The following TMEM131 variants were observed in gnomAD, a reference collection of about 807,000 sequenced individuals.
TMEM131 encodes the protein transmembrane protein 131.
A neutral mutation model predicts 211.6 loss-of-function variants in TMEM131; 66 were observed. The observed-to-expected ratio is 0.31, with a 90% CI of 0.26 to 0.38. The LOEUF (loss-of-function observed/expected upper bound fraction) is 0.38. TMEM131 is among the 10% of genes least tolerant of loss of function. The pLI is 1.00. For missense variants in TMEM131, 2,036 were observed against 2,299.3 expected, an observed-to-expected ratio of 0.89 and a Z score of 2.34; for synonymous variants, 844 against 841.3, an observed-to-expected ratio of 1.00 and a Z score of -0.06.
intron 1 of TMEM131, among the ~76,000 whole-genome samples, chr2:97,961,429 A>C (rs1420837103): frequency 6.6e-6 from 1 of 152,228 alleles, no homozygotes; most frequent in Non-Finnish European, 1.5e-5. Context: ...AAAGATCTAA[A>C]TAAAGAGATG....
intron 2 of TMEM131, among the ~76,000 whole-genome samples, chr2:97,921,893 G>T (rs572650285): frequency 8.5e-5 from 13 of 152,270 alleles, no homozygotes; most frequent in African/African-American, 3.1e-4. Flanking sequence ...AGGGAAGGAA[G>T]AAAACACTTT....
intron 6 of TMEM131, 24 bp downstream of exon 6, chr2:97,844,121 A>C: frequency 1.4e-6 from 1 of 724,544 alleles, no homozygotes; most frequent in Non-Finnish European, 2.0e-6. Context: ...ATTGTATAAA[A>C]TAAGTTTTAA....
intron 3 of TMEM131, among the ~76,000 whole-genome samples, chr2:97,896,372 T>C (rs1320198217): frequency 1.3e-5 from 2 of 152,176 alleles, no homozygotes; most frequent in Non-Finnish European, 2.9e-5. Flanking sequence ...AGATGTCTAT[T>C]AGGTTTGCTT....
At chr2:97,918,001 CAGT>C (rs1376681117) in intron 2 of TMEM131, among the ~76,000 whole-genome samples, 1 of 151,294 alleles carries the variant, frequency 6.6e-6, no homozygotes, top group African/African-American at 2.4e-5. Context: ...GGCTGGAGTG[CAGT>C]GGCACGATCT....
In TMEM131 at chr2:97,762,029, G is replaced by A. The variant is rs750459515; in HGVS notation, c.4889+6C>T. The A allele has an allele frequency of 1.9e-6, 3 of 1,554,282 alleles. No individual in the cohort carries two copies. The highest frequency in any genetic ancestry group is 2.8e-5 in the African/African-American group (2 of 72,126). ...CTGAGAACCGGAAAGGAAGCAGCAG[G>A]CCTACCTGCTGGAGCTGCTGTTGAC... On this transcript the variant is annotated splice_donor_region_variant and intron_variant, in intron 36 of 40. Transcript: ENST00000186436.
chr2:97,782,730 A>C (rs1288276434), intron 31 of TMEM131, among the ~76,000 whole-genome samples: 1 of 152,232 alleles, frequency 6.6e-6, no homozygotes, highest in East Asian at 1.9e-4. Context: ...TCAATAGCAG[A>C]ACAGAGGAGA....
At chr2:97,986,455 A>C (rs1680031537) in intron 1 of TMEM131, among the ~76,000 whole-genome samples, 1 of 152,180 alleles carries the variant, frequency 6.6e-6, no homozygotes, top group Non-Finnish European at 1.5e-5. Context: ...TGCATTTTAT[A>C]ATCTGTTTTA....
Position 97,896,596 on chromosome 2 carries a change from T to C in TMEM131, c.291-8476A>G, listed in dbSNP as rs550431703. Among the ~76,000 whole-genome samples, 5 of 152,270 alleles carry C rather than the reference T, an allele frequency of 3.3e-5. No individual in the cohort carries two copies. The South Asian group carries it at 1.0e-3, about 32-fold the overall frequency. On this transcript the variant is annotated intron_variant, in intron 3 of 40. Coordinates refer to ENST00000186436, the MANE Select transcript of TMEM131 (RefSeq NM_015348.2). ...TAGTTAGCTCTTCTTGTTGCATTGA[T>C]CCCTTTACCATTATGTAATGCCCTT... is the stretch of plus-strand genomic sequence containing the variant.
chr2:97,911,266 A>G (rs1313216201), intron 2 of TMEM131, among the ~76,000 whole-genome samples: 2 of 152,236 alleles, frequency 1.3e-5, no homozygotes, highest in African/African-American at 4.8e-5. Flanking sequence ...AGTGACAGAA[A>G]GCAGACTGGT....
At chr2:97,935,891 T>C (rs1677421901) in intron 1 of TMEM131, among the ~76,000 whole-genome samples, 2 of 152,224 alleles carry the variant, frequency 1.3e-5, no homozygotes, top group South Asian at 2.1e-4. Context: ...CATTTAACTT[T>C]TCTATTCTCA....
At chr2:97,937,769 T>C (rs1288897003) in intron 1 of TMEM131, among the ~76,000 whole-genome samples, 2 of 152,146 alleles carry the variant, frequency 1.3e-5, no homozygotes, top group African/African-American at 4.8e-5. Context: ...GAGAATTCAA[T>C]ATCCCACTTT....
In TMEM131 at chr2:97,995,877, G is replaced by GC. The variant is rs1680493292; in HGVS notation, c.-216dup. On this transcript the variant is annotated 5_prime_UTR_variant, in exon 1 of 41. Coordinates refer to ENST00000186436, the MANE Select transcript of TMEM131 (RefSeq NM_015348.2). ...GTCTTTGCCTGGGCATCGCCTACAAGCAGTCGGAGCGGAGAGGCCGCGGGT... is the reference window on the plus strand; with the variant it reads ...GTCTTTGCCTGGGCATCGCCTACAAGCCAGTCGGAGCGGAGAGGCCGCGGGT... 4.0e-6 allele frequency: 1 copy of GC among 248,812 alleles called. No individual in the cohort carries two copies. Among genetic ancestry groups the GC allele is most frequent in the Non-Finnish European group, 7.4e-6 (1 of 135,410 alleles). 15.4% of individuals were successfully genotyped at this position (248,812 alleles called of 1,614,324 possible).
chr2:97,936,677 A>C (rs924785161), intron 1 of TMEM131, among the ~76,000 whole-genome samples: 1 of 152,148 alleles, frequency 6.6e-6, no homozygotes, highest in South Asian at 2.1e-4. Context: ...AGCAACAAAA[A>C]CAACAACAAA....
At chr2:97,921,318 A>C (rs75563505) in intron 2 of TMEM131, among the ~76,000 whole-genome samples, 1 of 152,206 alleles carries the variant, frequency 6.6e-6, no homozygotes, top group Non-Finnish European at 1.5e-5. Context: ...ACAAGAAATA[A>C]AATCTTGATC....
chr2:97,773,390 G>C (rs1253576782), intron 32 of TMEM131, among the ~76,000 whole-genome samples: 2 of 152,144 alleles, frequency 1.3e-5, no homozygotes, highest in Non-Finnish European at 2.9e-5. Context: ...CGCCAGCATG[G>C]ACCTCTGCTG....
At chr2:97,832,612 A>G (rs568544314) in intron 11 of TMEM131, among the ~76,000 whole-genome samples, 5 of 152,192 alleles carry the variant, frequency 3.3e-5, no homozygotes, top group Admixed American at 6.5e-5. Context: ...CACATGATCT[A>G]TATTTCATTT....
chr2:97,977,739 T>TGATCAG (rs1282228514), intron 1 of TMEM131, among the ~76,000 whole-genome samples: 1 of 152,190 alleles, frequency 6.6e-6, no homozygotes, highest in African/African-American at 2.4e-5. Context: ...GCCTCAAGGT[T>TGATCAG]GATCAGGATC....
At chr2:97,935,422 A>G (rs908255913) in intron 1 of TMEM131, among the ~76,000 whole-genome samples, 1 of 152,202 alleles carries the variant, frequency 6.6e-6, no homozygotes, top group East Asian at 1.9e-4. Context: ...CTCAATAAGA[A>G]TCTGTATTAA....
chr2:97,768,773 C>G (rs576944869), intron 33 of TMEM131, among the ~76,000 whole-genome samples: 1 of 151,850 alleles, frequency 6.6e-6, no homozygotes, highest in African/African-American at 2.4e-5. Flanking sequence ...GTATTTTTAA[C>G]AGAGATGGGG....
Sources: allele counts gnomAD v4.1 joint callset (sites outside exome capture counted in the v4.1 genomes callset), GRCh38; gene constraint gnomAD v4.1.1; transcripts MANE v1.5; gene names NCBI Gene and HGNC (gene_info 2026-07-23, HGNC 2026-07-21).